Variants in BRCA1 observed in about 807,000 individuals in gnomAD.
BRCA1 encodes the protein breast cancer type 1 susceptibility protein.
BRCA1 carries 140 observed loss-of-function variants against 173.7 expected under a neutral mutation model. The ratio of observed to expected loss-of-function variants is 0.81; its 90% CI spans 0.70 to 0.93. BRCA1 has a LOEUF of 0.93. BRCA1 is among the 40% of genes least tolerant of loss of function. The pLI, the probability that BRCA1 is intolerant of heterozygous loss-of-function variation, is 0.00. For missense variants in BRCA1, 1,983 were observed against 2,172.5 expected (o/e 0.91, Z 1.73); for synonymous variants, 662 against 756.0 (o/e 0.88, Z 2.04).
intron 11 of BRCA1, among the ~76,000 whole-genome samples, chr17:43,090,486 G>A (rs1242380136): frequency 1.3e-5 from 2 of 152,162 alleles, no homozygotes; most frequent in African/African-American, 2.4e-5. Context: ...CGATTCTCCT[G>A]TCTCAGCCTC....
At chr17:43,113,565 C>T (rs541362276) in intron 3 of BRCA1, among the ~76,000 whole-genome samples, 13 of 152,116 alleles carry the variant, frequency 8.5e-5, no homozygotes, top group African/African-American at 3.1e-4. Flanking sequence ...GACAGTGTTT[C>T]GCCATTTTGG....
At chr17:43,087,607 A>AGCC (rs925674990) in intron 11 of BRCA1, among the ~76,000 whole-genome samples, 8 of 150,980 alleles carry the variant, frequency 5.3e-5, no homozygotes, top group Non-Finnish European at 8.8e-5. Flanking sequence ...GGATGCGGTG[A>AGCC]GCCAAGGTCA....
In BRCA1 at chr17:43,124,137, T is replaced by C. The variant is rs774892235; in HGVS notation, c.-19-22A>G. The C allele has an allele frequency of 2.0e-5, 25 of 1,256,704 alleles. No individual in the cohort carries two copies. The highest frequency in any genetic ancestry group is 2.7e-5 in the Non-Finnish European group (23 of 866,504). The allele number at this position is 1,256,704 out of a possible 1,614,324, so 77.8% of individuals were successfully genotyped here. ...TGAACTTTAACACATTAGAAAAACA[T>C]ATATATATATCTTTTTAAAAGGTTT... On this transcript the variant is annotated intron_variant, in intron 1 of 22. Coordinates refer to ENST00000357654, the MANE Select transcript of BRCA1 (RefSeq NM_007294.4).
At chr17:43,073,403 G>A (rs2052541952) in intron 14 of BRCA1, among the ~76,000 whole-genome samples, 1 of 152,048 alleles carries the variant, frequency 6.6e-6, no homozygotes, top group Non-Finnish European at 1.5e-5. Flanking sequence ...AAAATGCCAT[G>A]GTATCAGGAA....
At chr17:43,075,047 G>C (rs1567778752) in intron 13 of BRCA1, among the ~76,000 whole-genome samples, 1 of 142,804 alleles carries the variant, frequency 7.0e-6, no homozygotes, top group Non-Finnish European at 1.5e-5. Context: ...AAGGAAGGGA[G>C]GGAAAGGAAA....
intron 1 of BRCA1, among the ~76,000 whole-genome samples, chr17:43,134,448 C>CA (rs960680273): frequency 1.7e-4 from 26 of 151,678 alleles, no homozygotes; most frequent in South Asian, 4.2e-4. Flanking sequence ...ACAGCAGCTG[C>CA]AAAAAAAATG....
In BRCA1 at chr17:43,092,857, A is replaced by G. The variant is rs137998759; in HGVS notation, c.2674T>C (p.Leu892=). The change falls in exon 10 of 23, where the codon TTA becomes CTA. Residue 892 remains leucine, a synonymous_variant. Coordinates refer to ENST00000357654, the MANE Select transcript of BRCA1 (RefSeq NM_007294.4). The part of the protein sequence containing the change: ...CATFSAHSGS[L]KKQSPKVTFE... Reference sequence around the variant, plus strand: ...GTGACTTTTGGACTTTGTTTCTTTAAGGACCCAGAGTGGGCAGAGAATGTT... The same window carrying G: ...GTGACTTTTGGACTTTGTTTCTTTAGGGACCCAGAGTGGGCAGAGAATGTT... 20 of 1,613,966 alleles carry G rather than the reference A, an allele frequency of 1.2e-5. No individual in the cohort carries two copies. The highest frequency in any genetic ancestry group is 4.5e-5 in the East Asian group (2 of 44,868).
intron 12 of BRCA1, among the ~76,000 whole-genome samples, chr17:43,077,794 C>T (rs1289675412): frequency 1.5e-4 from 23 of 151,854 alleles, no homozygotes. Flanking sequence ...AGTGCAATGG[C>T]ATGATCTTGG....
At chr17:43,154,282 G>A (rs1324629999) in intron 1 of BRCA1, among the ~76,000 whole-genome samples, 2 of 151,760 alleles carry the variant, frequency 1.3e-5, no homozygotes, top group Non-Finnish European at 2.9e-5. Context: ...TCAGGATTTC[G>A]AGACCAGCCT....
chr17:43,150,804 T>A (rs1482704815), intron 1 of BRCA1, among the ~76,000 whole-genome samples: 2 of 152,176 alleles, frequency 1.3e-5, no homozygotes, highest in East Asian at 1.9e-4. Context: ...TGTGCAGCTT[T>A]GCACAGTGAG....
Position 43,093,586 on chromosome 17 carries a change from C to G in BRCA1, c.1945G>C (p.Glu649Gln), listed in dbSNP as rs80356907. Residue 649 changes from glutamate to glutamine, a missense_variant, in exon 10 of 23, where the codon GAG (glutamate) becomes CAG (glutamine). Glu to Gln is a conservative substitution (Grantham distance 29). Transcript: ENST00000357654. ...LQIDSCSSSE[E>Q]IKKKKYNQMP... The stretch of plus-strand genomic sequence containing the variant: ...TGGTTGTACTTTTTTTTCTTTATCT[C>G]TTCACTGCTAGAACAACTATCAATT... The G allele has an allele frequency of 2.5e-6, 4 of 1,613,880 alleles. No homozygotes were observed. Among genetic ancestry groups the G allele is most frequent in the Non-Finnish European group, 3.4e-6 (4 of 1,179,952 alleles).
At chr17:43,155,113 G>C (rs1160333949) in intron 1 of BRCA1, among the ~76,000 whole-genome samples, 2 of 152,152 alleles carry the variant, frequency 1.3e-5, no homozygotes, top group Middle Eastern at 3.4e-3. Context: ...AGAGGTAGCT[G>C]GTAACTTTTG....
intron 1 of BRCA1, chr17:43,167,531 G>T (rs769152492): frequency 2.6e-5 from 4 of 152,218 alleles, no homozygotes; most frequent in Admixed American, 6.5e-5. Context: ...GTAATCTATA[G>T]ATAACATACC....
chr17:43,057,987 T>A (rs2051580026), intron 18 of BRCA1, among the ~76,000 whole-genome samples: 1 of 119,694 alleles, frequency 8.4e-6, no homozygotes, highest in African/African-American at 3.4e-5. Flanking sequence ...GCCACTGCAC[T>A]CCAGCCTGGG....
intron 1 of BRCA1, among the ~76,000 whole-genome samples, chr17:43,133,858 C>G (rs1225394322): frequency 6.6e-6 from 1 of 152,210 alleles, no homozygotes; most frequent in Non-Finnish European, 1.5e-5. Flanking sequence ...TGGTCTCAAA[C>G]TCCTGACCTC....
intron 15 of BRCA1, among the ~76,000 whole-genome samples, chr17:43,069,955 CAG>C (rs2052312361): frequency 6.6e-6 from 1 of 152,126 alleles, no homozygotes; most frequent in South Asian, 2.1e-4. Context: ...ATTATTGAGA[CAG>C]AGTTTCGCTC....
chr17:43,054,648 C>T (rs1365454350), intron 19 of BRCA1, among the ~76,000 whole-genome samples: 2 of 151,938 alleles, frequency 1.3e-5, no homozygotes, highest in East Asian at 3.9e-4. Flanking sequence ...ACTATGTTGC[C>T]CAGGCTAGTC....
At chr17:43,049,981 A>G in intron 20 of BRCA1, 1 of 398,380 alleles carries the variant, frequency 2.5e-6, no homozygotes, top group Middle Eastern at 6.3e-4. Context: ...GTAAAAAAAC[A>G]CTGAGAAATC....
At chr17:43,116,486 G>A (rs2055300255) in intron 2 of BRCA1, among the ~76,000 whole-genome samples, 3 of 152,138 alleles carry the variant, frequency 2.0e-5, no homozygotes, top group African/African-American at 7.2e-5. Context: ...CCAGCACGGG[G>A]TTTACAGGCA....
Sources: gnomAD v4.1 joint callset for allele counts (sites outside exome capture counted in the v4.1 genomes callset) on GRCh38, gnomAD v4.1.1 for gene constraint, MANE v1.5 for transcripts, NCBI Gene and HGNC (gene_info 2026-07-23, HGNC 2026-07-21) for gene names.